Variants in NRXN1 observed in about 807,000 individuals in gnomAD.
NRXN1 encodes neurexin-1.
A neutral mutation model predicts 150.9 loss-of-function variants in NRXN1; 39 were observed. The ratio of observed to expected loss-of-function variants is 0.26; its 90% CI spans 0.20 to 0.34. The LOEUF (loss-of-function observed/expected upper bound fraction) is 0.34, where lower values mean the gene tolerates loss of function less well. NRXN1 is among the 10% of genes least tolerant of loss of function. The probability of loss-of-function intolerance (pLI) is 1.00; values close to 1 mark genes in which losing one functional copy is unlikely to be tolerated. For synonymous variants in NRXN1, 924 were observed against 757.0 expected (o/e 1.22, Z -3.62); for missense variants, 1,815 against 1,949.9 (o/e 0.93, Z 1.30).
At chr2:50,360,406 G>A (rs1285129337) in intron 17 of NRXN1, among the ~76,000 whole-genome samples, 4 of 152,128 alleles carry the variant, frequency 2.6e-5, no homozygotes, top group African/African-American at 9.7e-5. Context: ...ATAAAATGAT[G>A]GAGGAAGATT....
chr2:50,678,687 C>A (rs908657193), intron 5 of NRXN1, among the ~76,000 whole-genome samples: 2 of 152,106 alleles, frequency 1.3e-5, no homozygotes, highest in African/African-American at 4.8e-5. Context: ...ATATTTTTGA[C>A]TGTTCGTTGC....
intron 9 of NRXN1, 58 bp downstream of exon 9, chr2:50,552,529 G>C: frequency 7.6e-7 from 1 of 1,314,132 alleles, no homozygotes; most frequent in East Asian, 2.3e-5. Context: ...TTTTAGGAAT[G>C]GCATGGGTGG....
chr2:50,651,100 G>A (rs891930888), intron 5 of NRXN1, among the ~76,000 whole-genome samples: 3 of 152,004 alleles, frequency 2.0e-5, no homozygotes, highest in African/African-American at 2.4e-5. Flanking sequence ...TCCATAATGT[G>A]ACCCAAATAA....
At chr2:50,304,627 G>C (rs1351213232) in intron 17 of NRXN1, among the ~76,000 whole-genome samples, 2 of 152,112 alleles carry the variant, frequency 1.3e-5, no homozygotes, top group African/African-American at 4.8e-5. Context: ...GTTTTACAGA[G>C]CTATGGAAGC....
intron 10 of NRXN1, among the ~76,000 whole-genome samples, chr2:50,537,443 C>A (rs1031648926): frequency 2.0e-5 from 3 of 152,096 alleles, no homozygotes; most frequent in Non-Finnish European, 2.9e-5. Context: ...GCTATTTATT[C>A]CTTTAGCCTG....
intron 5 of NRXN1, among the ~76,000 whole-genome samples, chr2:50,847,718 A>C (rs2105960132): frequency 6.6e-6 from 1 of 152,286 alleles, no homozygotes; most frequent in African/African-American, 2.4e-5. Flanking sequence ...CATCGAGAGG[A>C]TGTCCAGGGA....
At chr2:50,056,289 A>G (rs1044703069) in intron 19 of NRXN1, among the ~76,000 whole-genome samples, 1 of 152,164 alleles carries the variant, frequency 6.6e-6, no homozygotes, top group Non-Finnish European at 1.5e-5. Context: ...CTCTTATAAT[A>G]CATTATACTT....
intron 5 of NRXN1, among the ~76,000 whole-genome samples, chr2:50,727,781 T>C (rs946631438): frequency 6.6e-6 from 1 of 152,142 alleles, no homozygotes; most frequent in African/African-American, 2.4e-5. Flanking sequence ...TTAATAAAGC[T>C]AGCATTGCAT....
intron 17 of NRXN1, among the ~76,000 whole-genome samples, chr2:50,402,938 T>C (rs998032008): frequency 6.6e-6 from 1 of 152,150 alleles, no homozygotes; most frequent in African/African-American, 2.4e-5. Context: ...TTACACACAG[T>C]AAAGTGTACT....
At chr2:50,802,847 G>C (rs1407022198) in intron 5 of NRXN1, among the ~76,000 whole-genome samples, 1 of 152,098 alleles carries the variant, frequency 6.6e-6, no homozygotes, top group Non-Finnish European at 1.5e-5. Flanking sequence ...GAGAACTGGA[G>C]AAATGCATCT....
intron 17 of NRXN1, among the ~76,000 whole-genome samples, chr2:50,329,378 T>C (rs1575105158): frequency 6.6e-6 from 1 of 150,776 alleles, no homozygotes; most frequent in East Asian, 2.0e-4. Context: ...TATAAAATGA[T>C]AAGGACTGAA....
chr2:50,216,623 C>T (rs2152851168), intron 18 of NRXN1, among the ~76,000 whole-genome samples: 1 of 151,826 alleles, frequency 6.6e-6, no homozygotes, highest in East Asian at 1.9e-4. Flanking sequence ...TCTTATTTTT[C>T]TGTTTTCAAG....
chr2:50,226,732 A>G (rs947510940), intron 18 of NRXN1, among the ~76,000 whole-genome samples: 17 of 151,992 alleles, frequency 1.1e-4, no homozygotes, highest in African/African-American at 4.1e-4. Context: ...ATACCAATCT[A>G]TAAATAGGTA....
At chr2:50,919,807 A>C (rs775655217) in intron 5 of NRXN1, 4 of 161,318 alleles carry the variant, frequency 2.5e-5, no homozygotes, top group African/African-American at 7.2e-5. Flanking sequence ...TATTCACATA[A>C]GACAGACTTG....
chr2:50,941,929 A>G (rs563156902), intron 2 of NRXN1, among the ~76,000 whole-genome samples: 96 of 152,312 alleles, frequency 6.3e-4, no homozygotes, highest in Non-Finnish European at 1.2e-3. Context: ...GACATTTAGT[A>G]TATCTTTGGG....
At chr2:50,696,818 G>A (rs1337591731) in intron 5 of NRXN1, among the ~76,000 whole-genome samples, 1 of 152,136 alleles carries the variant, frequency 6.6e-6, no homozygotes, top group African/African-American at 2.4e-5. Context: ...GAGTCATAGA[G>A]AAGTCATTTT....
chr2:50,347,806 G>GC lies in NRXN1; in HGVS notation c.3365-110837dup. On this transcript the variant is annotated intron_variant, in intron 17 of 22. Transcript: ENST00000401669. This position sits in a 1 kb window ranked among gnomAD's most constrained non-coding sequence, Gnocchi z 4.9. ...GAAGCAAGGGGCTCTATGCAAATCT[G>GC]CAGTCTCCAAACAGCAAATCACTGA... 1.0e-6 allele frequency: 1 copy of GC among 985,848 alleles called. No homozygotes were observed. Among genetic ancestry groups the GC allele is most frequent in the Non-Finnish European group, 1.2e-6 (1 of 830,236 alleles). The allele number at this position is 985,848 out of a possible 1,614,324, so 61.1% of individuals were successfully genotyped here.
intron 5 of NRXN1, among the ~76,000 whole-genome samples, chr2:50,865,155 G>C (rs1012509635): frequency 2.6e-5 from 4 of 151,878 alleles, no homozygotes; most frequent in African/African-American, 9.7e-5. Context: ...TGTAGTTCTA[G>C]GGTCTACAGA....
intron 5 of NRXN1, among the ~76,000 whole-genome samples, chr2:50,892,031 T>C (rs1402996467): frequency 6.6e-6 from 1 of 152,078 alleles, no homozygotes; most frequent in East Asian, 1.9e-4. Context: ...CTGTATAATA[T>C]ATTGCCACAT....
Sources: gnomAD v4.1 joint callset for allele counts (sites outside exome capture counted in the v4.1 genomes callset) on GRCh38, gnomAD v4.1.1 for gene constraint, Gnocchi (gnomAD v3.1) non-coding constraint, MANE v1.5 for transcripts, NCBI Gene and HGNC (gene_info 2026-07-23, HGNC 2026-07-21) for gene names.